Variants in PRKAR1B observed in about 807,000 individuals in gnomAD.
PRKAR1B encodes the protein cAMP-dependent protein kinase type I-beta regulatory subunit.
PRKAR1B carries 22 observed loss-of-function variants against 46.5 expected under a neutral mutation model. That is an observed-to-expected ratio of 0.47 (90% confidence interval 0.34 to 0.68). The LOEUF is 0.68. PRKAR1B is among the 30% of genes least tolerant of loss of function. The pLI is 0.01. For missense variants in PRKAR1B, 445 were observed against 535.6 expected (o/e 0.83, Z 1.67); for synonymous variants, 259 against 217.7 (o/e 1.19, Z -1.67).
At chr7:661,967 C>T (rs1583378534) in intron 4 of PRKAR1B, among the ~76,000 whole-genome samples, 1 of 102,262 alleles carries the variant, frequency 9.8e-6, no homozygotes, top group Non-Finnish European at 2.0e-5. Flanking sequence ...CAGGTCCCCA[C>T]CCCAACGGGT....
chr7:638,758 T>C (rs1475838801), intron 4 of PRKAR1B, among the ~76,000 whole-genome samples: 2 of 152,150 alleles, frequency 1.3e-5, no homozygotes, highest in Non-Finnish European at 2.9e-5. Context: ...CAACACACAC[T>C]CTTACAACTG....
intron 4 of PRKAR1B, among the ~76,000 whole-genome samples, chr7:619,435 T>C (rs976299129): frequency 2.0e-5 from 3 of 152,230 alleles, no homozygotes; most frequent in African/African-American, 7.2e-5. Context: ...GTGGCATATA[T>C]GATCATCACT....
chr7:597,365 A>T (rs1781324551), intron 6 of PRKAR1B, among the ~76,000 whole-genome samples: 1 of 152,214 alleles, frequency 6.6e-6, no homozygotes, highest in Non-Finnish European at 1.5e-5. Context: ...GAACTGGTCG[A>T]CCACGAACTT....
At chr7:652,266 A>G (rs1367699893) in intron 4 of PRKAR1B, among the ~76,000 whole-genome samples, 4,672 of 51,942 alleles carry the variant, frequency 0.09, 3 homozygotes, top group African/African-American at 0.11. Context: ...GGAACCTGGG[A>G]AAACCCCTCT....
At chr7:710,685 G>A (rs1441830126) in intron 2 of PRKAR1B, among the ~76,000 whole-genome samples, 11 of 133,986 alleles carry the variant, frequency 8.2e-5, no homozygotes, top group African/African-American at 3.2e-4. Context: ...TCGCTCTGTC[G>A]CCCAGGCTGG....
At chr7:704,127 T>C (rs1323998374) in intron 2 of PRKAR1B, among the ~76,000 whole-genome samples, 1 of 152,076 alleles carries the variant, frequency 6.6e-6, no homozygotes, top group Non-Finnish European at 1.5e-5. Flanking sequence ...GCCTTAATCA[T>C]CTAAAATTTC....
At chr7:639,838 C>T (rs1303721974) in intron 4 of PRKAR1B, among the ~76,000 whole-genome samples, 1 of 151,830 alleles carries the variant, frequency 6.6e-6, no homozygotes, top group Admixed American at 6.6e-5. Flanking sequence ...GCCTGGGCAA[C>T]AGAGCAAGAA....
At chr7:679,688 A>C in intron 3 of PRKAR1B, among the ~76,000 whole-genome samples, 1 of 152,166 alleles carries the variant, frequency 6.6e-6, no homozygotes, top group East Asian at 1.9e-4. Context: ...TCAACTGTGC[A>C]CTCAGAAATG....
chr7:697,881 A>C (rs1344469439), intron 2 of PRKAR1B, among the ~76,000 whole-genome samples: 9 of 138,586 alleles, frequency 6.5e-5, no homozygotes, highest in Non-Finnish European at 1.1e-4. Flanking sequence ...GAAGGAAAGG[A>C]GAAAAGAGAA....
intron 4 of PRKAR1B, among the ~76,000 whole-genome samples, chr7:669,299 G>A (rs1164147885): frequency 6.6e-6 from 1 of 152,154 alleles, no homozygotes; most frequent in East Asian, 1.9e-4. Context: ...CAAGCTCATA[G>A]AAAGAGAAAG....
intron 9 of PRKAR1B, among the ~76,000 whole-genome samples, chr7:571,268 C>T (rs1369166151): frequency 1.3e-5 from 2 of 152,332 alleles, no homozygotes; most frequent in East Asian, 3.9e-4. Context: ...CAGCCAGGAG[C>T]CTCGCGGTAC....
chr7:588,723 G>GTGGTGGTGATGGTGATGGTGATGT (rs1562542087), intron 7 of PRKAR1B, among the ~76,000 whole-genome samples: 1 of 15,746 alleles, frequency 6.4e-5, no homozygotes, highest in African/African-American at 2.5e-4. Context: ...GGTGGTGATG[G>GTGGTGGTGATGGTGATGGTGATGT]TGGTGAGGAT....
intron 1 of PRKAR1B, chr7:726,592 C>A: frequency 1.4e-6 from 1 of 701,856 alleles, no homozygotes; most frequent in Non-Finnish European, 2.0e-6. Flanking sequence ...GAGCACAGGC[C>A]CACGTGCGCA....
At chr7:580,581 T>C (rs1379548313) in intron 8 of PRKAR1B, among the ~76,000 whole-genome samples, 1 of 152,172 alleles carries the variant, frequency 6.6e-6, no homozygotes, top group East Asian at 1.9e-4. Flanking sequence ...ATGCCAAGTT[T>C]ATCTTTAAAT....
At chr7:685,363 T>TATATACGTATATATAC (rs1220199272) in intron 2 of PRKAR1B, among the ~76,000 whole-genome samples, 3 of 53,880 alleles carry the variant, frequency 5.6e-5, no homozygotes, top group African/African-American at 2.6e-4. Flanking sequence ...CATATATATA[T>TATATACGTATATATAC]ACACATATAT....
At chr7:676,147 C>T (rs906459073) in intron 4 of PRKAR1B, among the ~76,000 whole-genome samples, 1 of 152,138 alleles carries the variant, frequency 6.6e-6, no homozygotes, top group Non-Finnish European at 1.5e-5. Context: ...CAATCCTTAA[C>T]GCCTGTCCCC....
In PRKAR1B at chr7:582,966, C is replaced by T. The variant is rs531034613; in HGVS notation, c.769+1542G>A. Among the ~76,000 whole-genome samples the T allele has an allele frequency of 2.1e-3, 327 of 152,352 alleles. 4 individuals carry two copies. The highest frequency in any genetic ancestry group is 7.6e-3 in the African/African-American group (316 of 41,586). On this transcript the variant is annotated intron_variant, in intron 8 of 10. Transcript: ENST00000537384. ...AAATGGCACTAGAATTAAAACCAGA[C>T]ACAAAGCCACACAGGTGATTCCATT...
intron 9 of PRKAR1B, among the ~76,000 whole-genome samples, chr7:564,285 A>C (rs1562521958): frequency 2.0e-5 from 3 of 152,124 alleles, no homozygotes; most frequent in Admixed American, 6.5e-5. Context: ...CGCCGCCCCC[A>C]GCGTCAGCCC....
chr7:680,561 T>G lies in PRKAR1B; in HGVS notation c.343A>C (p.Arg115=). The change falls in exon 3 of 11, where the codon AGG becomes CGG. Residue 115 remains arginine (R), a synonymous_variant. Coordinates refer to ENST00000537384, the MANE Select transcript of PRKAR1B (RefSeq NM_001164760.2). The part of the protein sequence containing the change: ...YTEEDAVSYV[R]KVIPKDYKTM... ...CCGTGACCCGTGAGCCTCACCTTCC[T>G]GACGTAGGACACGGCGTCCTCCTCG... 6.2e-7 allele frequency: 1 copy of G among 1,608,982 alleles called. No individual in the cohort carries two copies. Among genetic ancestry groups the G allele is most frequent in the South Asian group, 1.1e-5 (1 of 90,886 alleles).
Sources: allele counts gnomAD v4.1 joint callset (sites outside exome capture counted in the v4.1 genomes callset), GRCh38; gene constraint gnomAD v4.1.1; transcripts MANE v1.5; gene names NCBI Gene and HGNC (gene_info 2026-07-23, HGNC 2026-07-21).